Variants in ADCK5 observed in about 807,000 individuals in gnomAD.
ADCK5 encodes the protein aarF domain containing kinase 5, also known as uncharacterized aarF domain-containing protein kinase 5.
A neutral mutation model predicts 64.9 loss-of-function variants in ADCK5; 43 were observed. The observed-to-expected ratio is 0.66, with a 90% CI of 0.52 to 0.85. ADCK5 has a LOEUF of 0.85. ADCK5 is among the 40% of genes least tolerant of loss of function. ADCK5 has a pLI of 0.00. For missense variants in ADCK5, 760 were observed against 810.5 expected, an observed-to-expected ratio of 0.94 and a Z score of 0.76; for synonymous variants, 434 against 342.8, an observed-to-expected ratio of 1.27 and a Z score of -2.94.
upstream of ADCK5, chr8:144,373,810 G>A: frequency 2.8e-6 from 1 of 359,038 alleles, no homozygotes; most frequent in East Asian, 4.1e-5. Flanking sequence ...CTTCCGGCAG[G>A]TGCCTGCCCG....
intron 2 of ADCK5, among the ~76,000 whole-genome samples, chr8:144,382,020 G>A (rs1339334321): frequency 4.5e-5 from 6 of 131,940 alleles, no homozygotes; most frequent in African/African-American, 2.0e-4. Flanking sequence ...TATGGGCCGG[G>A]TGTAGAAACA....
At chr8:144,388,899 G>A (rs868910576) in intron 3 of ADCK5, among the ~76,000 whole-genome samples, 1 of 152,246 alleles carries the variant, frequency 6.6e-6, no homozygotes, top group Non-Finnish European at 1.5e-5. Flanking sequence ...CCACCTGAGC[G>A]CCAGAGCTGC....
At chr8:144,390,317 C>A (rs916491260) in intron 3 of ADCK5, among the ~76,000 whole-genome samples, 2 of 152,140 alleles carry the variant, frequency 1.3e-5, no homozygotes, top group South Asian at 4.1e-4. Flanking sequence ...TTGGTAGAGA[C>A]AGGGTTTCAA....
upstream of ADCK5, chr8:144,374,038 C>G: frequency 8.0e-7 from 1 of 1,243,164 alleles, no homozygotes; most frequent in Non-Finnish European, 1.0e-6. Flanking sequence ...GCAGGGCCTG[C>G]TGGGCTGCGA....
chr8:144,383,120 CA>C lies in ADCK5; in HGVS notation c.157del (p.Thr53ProfsTer3). 1 of 1,587,634 alleles carries C rather than the reference CA, an allele frequency of 6.3e-7. No homozygotes were observed. Among genetic ancestry groups the C allele is most frequent in the Non-Finnish European group, 8.6e-7 (1 of 1,167,216 alleles). On this transcript the variant is annotated frameshift_variant, in exon 3 of 15. Transcript: ENST00000308860. LOFTEE classifies it high-confidence loss of function. ...CACCCCTGTGGAGGAAGGTGCTCTC[CA>C]CCGCGGTAGTGGGGGCGCCCCTGCT... The part of the protein sequence containing the change: ...PTPLWRKVLS[T>X]AVVGAPLLLG...
Position 144,392,882 on chromosome 8 carries a change from G to A in ADCK5, c.1627G>A (p.Val543Met). The A allele has an allele frequency of 1.9e-6, 3 of 1,601,850 alleles. No individual in the cohort carries two copies. The highest frequency in any genetic ancestry group is 2.5e-6 in the Non-Finnish European group (3 of 1,176,972). The change falls in exon 14 of 15, where the codon GTG becomes ATG. Residue 543 changes from valine to methionine, a missense_variant. Physicochemically the swap from Val to Met is conservative, Grantham distance 21. This residue lies in a region of ADCK5 where 333 missense variants were observed against 292.0 expected (regional missense o/e 1.14). Coordinates refer to ENST00000308860, the MANE Select transcript of ADCK5 (RefSeq NM_174922.5). ...KVVWEMLKFE[V>M]ALRLETLAMR... ...CGTCTGGGAGATGCTCAAGTTTGAA[G>A]TGGCGCTCAGGTGAGTGGCCGCGGG...
chr8:144,392,421 C>G (rs1434113344), intron 12 of ADCK5, 24 bp from the exon 13 acceptor site: 4 of 1,432,084 alleles, frequency 2.8e-6, no homozygotes, highest in South Asian at 1.3e-5. Flanking sequence ...AGCCCCCTCC[C>G]TCCCTCCCTC....
intron 3 of ADCK5, 149 bp from the exon 4 acceptor site, chr8:144,390,522 G>A (rs781223133): frequency 2.8e-5 from 23 of 810,722 alleles, no homozygotes; most frequent in South Asian, 1.5e-4. Context: ...AGGCCTACGC[G>A]GCTGTAGGCT....
At position 144,376,060 on chromosome 8, in the gene ADCK5, C is replaced by G. The variant is rs2130681264; in HGVS notation, c.12+1953C>G. ...CATAACCTCTCTGGGCCTTGGGGAC[C>G]TCTCCTGTGTGATGGGAATTTCAGA... On this transcript the variant is annotated intron_variant, in intron 1 of 14. Transcript: ENST00000308860. The surrounding 1 kb of genome is among the most constrained non-coding windows in gnomAD (Gnocchi z 5.1). 6.6e-6 allele frequency among the ~76,000 whole-genome samples: 1 copy of G among 152,318 alleles called. No individual in the cohort carries two copies. Among genetic ancestry groups the G allele is most frequent in the South Asian group, 2.1e-4 (1 of 4,826 alleles).
At chr8:144,379,363 C>G (rs782303335) in intron 1 of ADCK5, 24 bp from the exon 2 acceptor site, 1 of 1,575,320 alleles carries the variant, frequency 6.3e-7, no homozygotes, top group Non-Finnish European at 8.7e-7. Context: ...TCGTTCGACC[C>G]CACACAATTT....
chr8:144,374,643 A>C (rs1819290719), intron 1 of ADCK5, among the ~76,000 whole-genome samples: 1 of 152,110 alleles, frequency 6.6e-6, no homozygotes, highest in Non-Finnish European at 1.5e-5. Context: ...GGCCTCCCGG[A>C]ATCACGGACG....
At chr8:144,386,388 G>A (rs565856592) in intron 3 of ADCK5, among the ~76,000 whole-genome samples, 14 of 145,666 alleles carry the variant, frequency 9.6e-5, no homozygotes, top group Non-Finnish European at 1.7e-4. Context: ...ATGGAGTTTC[G>A]CTCTTGCTGC....
At chr8:144,388,148 A>G (rs1310092719) in intron 3 of ADCK5, among the ~76,000 whole-genome samples, 15 of 148,758 alleles carry the variant, frequency 1.0e-4, no homozygotes, top group East Asian at 6.3e-4. Flanking sequence ...TCACGAGGTC[A>G]GGAGTTCGAG....
At position 144,384,745 on chromosome 8, in the gene ADCK5, C is replaced by T. The variant is rs1554858977; in HGVS notation, c.266+1515C>T. On this transcript the variant is annotated intron_variant, in intron 3 of 14. Transcript: ENST00000308860. The surrounding 1 kb of genome is among the most constrained non-coding windows in gnomAD (Gnocchi z 5.7). ...ATGGCATGCAGCTGTGTCTGGTGTC[C>T]ACCTCCTCGGCCACCGGCTTGGTGA... Among the ~76,000 whole-genome samples, 1 of 152,164 alleles carries T rather than the reference C, an allele frequency of 6.6e-6. No individual in the cohort carries two copies. The highest frequency in any genetic ancestry group is 2.4e-5 in the African/African-American group (1 of 41,448).
Position 144,374,088 on chromosome 8 carries a change from G to T in ADCK5, c.-8G>T, listed in dbSNP as rs1308685353. The T allele has an allele frequency of 6.4e-6, 8 of 1,248,156 alleles. No individual in the cohort carries two copies. Among genetic ancestry groups the T allele is most frequent in the Middle Eastern group, 2.1e-4 (1 of 4,792 alleles). The allele number at this position is 1,248,156 out of a possible 1,614,324, so 77.3% of individuals were successfully genotyped here. ...CCGGGCGGGAGAAGAGCGGAGCAGT[G>T]GTCGGAGATGTGGCGACCGGTGAGG... On this transcript the variant is annotated 5_prime_UTR_variant, in exon 1 of 15. Transcript: ENST00000308860.
chr8:144,389,271 T>C, intron 3 of ADCK5: 1 of 456,702 alleles, frequency 2.2e-6, no homozygotes, highest in South Asian at 1.5e-5. Flanking sequence ...AGACCTTGCC[T>C]CCCCAGGCCT....
At chr8:144,392,388 C>CT in intron 12 of ADCK5, 43 bp downstream of exon 12, 1 of 1,486,932 alleles carries the variant, frequency 6.7e-7, no homozygotes, top group Non-Finnish European at 8.9e-7. Flanking sequence ...AGAAGGGAGT[C>CT]GGGCGGCGCG....
chr8:144,374,809 C>T (rs1408112228), intron 1 of ADCK5, among the ~76,000 whole-genome samples: 4 of 152,042 alleles, frequency 2.6e-5, no homozygotes, highest in African/African-American at 7.2e-5. Context: ...GGCTCCGAGG[C>T]CCCCTCTCTC....
Position 144,392,017 on chromosome 8 carries a change from G to C in ADCK5, c.1091G>C (p.Gly364Ala). The change falls in exon 10 of 15, where the codon GGC becomes GCC. Residue 364 changes from glycine to alanine, a missense_variant. This residue lies in a region of ADCK5 where 427 missense variants were observed against 518.4 expected (regional missense o/e 0.82). Transcript: ENST00000308860. Reference sequence around the variant, plus strand: ...TTCATCCACTCGGACCCACATCCTGGCAACGGTAGGAATTTACCCCAGGGG... The same window carrying C: ...TTCATCCACTCGGACCCACATCCTGCCAACGGTAGGAATTTACCCCAGGGG... ...TGFIHSDPHP[G>A]NVLVRKGPDG... is the part of the protein sequence containing the mutation. 5.6e-6 allele frequency: 9 copies of C among 1,612,726 alleles called. No individual in the cohort carries two copies. Among genetic ancestry groups the C allele is most frequent in the Non-Finnish European group, 7.6e-6 (9 of 1,179,968 alleles).
Sources: gnomAD v4.1 joint callset for allele counts (sites outside exome capture counted in the v4.1 genomes callset) on GRCh38, gnomAD v4.1.1 for gene constraint, gnomAD v4.1.1 regional missense constraint, Gnocchi (gnomAD v3.1) non-coding constraint, MANE v1.5 for transcripts, NCBI Gene and HGNC (gene_info 2026-07-23, HGNC 2026-07-21) for gene names.